The following ARHGAP8 variants were observed in gnomAD, a reference collection of about 807,000 sequenced individuals.
ARHGAP8 encodes the protein rho GTPase-activating protein 8.
In ARHGAP8, 62 loss-of-function variants were observed where a neutral mutation model predicts 46.1. That is an observed-to-expected ratio of 1.34 (90% CI 1.10 to 1.66). The LOEUF (loss-of-function observed/expected upper bound fraction) is 1.66. Ranked by LOEUF, ARHGAP8 falls within the 40% of genes most tolerant of loss-of-function variation. The pLI, the probability that ARHGAP8 is intolerant of heterozygous loss-of-function variation, is 0.00. For missense variants in ARHGAP8, 923 were observed against 568.4 expected, an observed-to-expected ratio of 1.62 and a Z score of -6.34; for synonymous variants, 375 against 243.1, an observed-to-expected ratio of 1.54 and a Z score of -5.05.
Position 44,862,369 on chromosome 22 carries a change from C to T in ARHGAP8, c.1076C>T (p.Ser359Phe), listed in dbSNP as rs554222960. The T allele has an allele frequency of 1.3e-5, 21 of 1,614,116 alleles. No individual in the cohort carries two copies. The East Asian group carries it at 4.2e-4, about 33-fold the overall frequency. Residue 359 changes from serine to phenylalanine, a missense_variant, in exon 12 of 12, where the codon TCC becomes TTC. Physicochemically the swap from Ser to Phe is radical, Grantham distance 155. Transcript: ENST00000356099. The part of the protein sequence containing the change: ...NLIWPSQGVS[S>F]LSALVPLNMF... ...ATCTGGCCATCCCAGGGGGTCTCCT[C>T]CCTGAGTGCCCTTGTGCCCCTGAAC...
intron 7 of ARHGAP8, among the ~76,000 whole-genome samples, chr22:44,830,170 C>G (rs865815300): frequency 6.6e-6 from 1 of 151,456 alleles, no homozygotes; most frequent in South Asian, 2.1e-4. Context: ...ACTGCAGGTG[C>G]ACGCTACCAA....
intron 11 of ARHGAP8, among the ~76,000 whole-genome samples, chr22:44,861,180 C>G (rs1319319864): frequency 6.6e-6 from 1 of 152,144 alleles, no homozygotes; most frequent in Non-Finnish European, 1.5e-5. Flanking sequence ...TCACATTGGC[C>G]AGGCTGATCT....
chr22:44,862,221 G>A (rs1206271988), intron 11 of ARHGAP8, 54 bp from the exon 12 acceptor site: 10 of 1,527,466 alleles, frequency 6.5e-6, no homozygotes, highest in Non-Finnish European at 7.9e-6. Context: ...GGAGTTCCAG[G>A]TGCCCGTGCC....
At position 44,861,981 on chromosome 22, in the gene ARHGAP8, G is replaced by A. The variant is rs551376267; in HGVS notation, c.982-294G>A. On this transcript the variant is annotated intron_variant, in intron 11 of 11. Transcript: ENST00000356099. The stretch of plus-strand genomic sequence containing the variant: ...TGTGCTACAGCCCATCCCCAAGATT[G>A]CATCTCCCCAGAAGGTGCAGTGGAA... Among the ~76,000 whole-genome samples, 10 of 152,198 alleles carry A rather than the reference G, an allele frequency of 6.6e-5. 1 individual carries two copies. Among genetic ancestry groups the A allele is most frequent in the Non-Finnish European group, 1.3e-4 (9 of 68,030 alleles).
intron 2 of ARHGAP8, among the ~76,000 whole-genome samples, chr22:44,791,011 G>C (rs1475827945): frequency 6.6e-6 from 1 of 152,076 alleles, no homozygotes; most frequent in Non-Finnish European, 1.5e-5. Context: ...AGGATTACAG[G>C]CGTGAGCCAC....
chr22:44,860,028 C>G (rs921805011), intron 11 of ARHGAP8, among the ~76,000 whole-genome samples, 194 bp downstream of exon 11: 1 of 151,926 alleles, frequency 6.6e-6, no homozygotes, highest in South Asian at 2.1e-4. Context: ...GACCTCCTGC[C>G]TGTCAGACAG....
chr22:44,801,916 A>T, intron 2 of ARHGAP8, 161 bp from the exon 3 acceptor site: 1 of 686,718 alleles, frequency 1.5e-6, no homozygotes. Context: ...ATAAAGCCAC[A>T]GGTGATGGAT....
At chr22:44,785,555 C>T (rs1314471935) in intron 1 of ARHGAP8, among the ~76,000 whole-genome samples, 1 of 152,086 alleles carries the variant, frequency 6.6e-6, no homozygotes. Context: ...TTGACCACAT[C>T]TTAACTACTT....
At chr22:44,772,160 T>C (rs1007744162) in intron 1 of ARHGAP8, among the ~76,000 whole-genome samples, 88 of 151,224 alleles carry the variant, frequency 5.8e-4, no homozygotes, top group Non-Finnish European at 9.4e-4. Context: ...TCTGTTTTTT[T>C]CCTCATTTTT....
At chr22:44,823,150 G>A (rs747808615) in intron 6 of ARHGAP8, among the ~76,000 whole-genome samples, 12 of 152,266 alleles carry the variant, frequency 7.9e-5, no homozygotes, top group South Asian at 2.1e-4. Context: ...ACTTCTCTCC[G>A]GACGCCAAGT....
intron 2 of ARHGAP8, among the ~76,000 whole-genome samples, chr22:44,797,973 A>T (rs1928212954): frequency 6.9e-6 from 1 of 145,788 alleles, no homozygotes; most frequent in East Asian, 2.2e-4. Context: ...GCACCTGGCC[A>T]ATAAGATTTT....
chr22:44,852,660 A>G (rs2070126401), intron 10 of ARHGAP8, among the ~76,000 whole-genome samples: 2 of 152,064 alleles, frequency 1.3e-5, no homozygotes, highest in Admixed American at 1.3e-4. Flanking sequence ...GTTGTGTCTC[A>G]ATTCAGGAGG....
chr22:44,862,487 G>T lies in ARHGAP8; in HGVS notation c.1194G>T (p.Gly398=), dbSNP rs777443018. 2.5e-6 allele frequency: 4 copies of T among 1,613,240 alleles called. No homozygotes were observed. Among genetic ancestry groups the T allele is most frequent in the Non-Finnish European group, 3.4e-6 (4 of 1,179,516 alleles). ...GEHGLAPWEQ[G]SRAAPLQEAV... is the part of the protein sequence containing the mutation. Reference sequence around the variant, plus strand: ...ACGGCCTGGCACCATGGGAACAGGGGAGCAGGGCAGCCCCTTTGCAGGAGG... The same window carrying T: ...ACGGCCTGGCACCATGGGAACAGGGTAGCAGGGCAGCCCCTTTGCAGGAGG... The change falls in exon 12 of 12, where the codon GGG becomes GGT. Residue 398 remains glycine, a synonymous_variant. Transcript: ENST00000356099.
Position 44,829,403 on chromosome 22 carries a change from G to A in ARHGAP8, c.596+3810G>A, listed in dbSNP as rs192259087. Among the ~76,000 whole-genome samples, 4 of 152,288 alleles carry A rather than the reference G, an allele frequency of 2.6e-5. No homozygotes were observed. In the East Asian group the frequency reaches 5.8e-4, roughly 22 times the overall value. ...TGTTAGCCATGGCTGTAGGCCTCTC[G>A]GCTCCTAGAAGGCTACCAGAGATAC... On this transcript the variant is annotated intron_variant, in intron 7 of 11. Coordinates refer to ENST00000356099, the MANE Select transcript of ARHGAP8 (RefSeq NM_181335.3).
intron 6 of ARHGAP8, among the ~76,000 whole-genome samples, chr22:44,824,612 T>C (rs554136175): frequency 6.8e-5 from 10 of 146,358 alleles, no homozygotes; most frequent in Admixed American, 6.3e-4. Context: ...AGAGGGTCTT[T>C]TCTTTTCTTT....
At chr22:44,825,447 T>A in intron 6 of ARHGAP8, 36 bp from the exon 7 acceptor site, 1 of 1,590,080 alleles carries the variant, frequency 6.3e-7, no homozygotes, top group South Asian at 1.1e-5. Context: ...CAGCTGCCCC[T>A]GCCAGGTGAG....
intron 1 of ARHGAP8, among the ~76,000 whole-genome samples, chr22:44,757,992 CAG>C (rs1197494596): frequency 6.6e-6 from 1 of 152,092 alleles, no homozygotes; most frequent in African/African-American, 2.4e-5. Context: ...GTCTCCACCT[CAG>C]AGGTACAGAG....
chr22:44,764,682 G>A (rs564029789), intron 1 of ARHGAP8, among the ~76,000 whole-genome samples: 14 of 152,338 alleles, frequency 9.2e-5, no homozygotes, highest in African/African-American at 2.6e-4. Flanking sequence ...CAAGATGCTC[G>A]CTGGGGTGGT....
chr22:44,793,506 T>C (rs1927855115), intron 2 of ARHGAP8, among the ~76,000 whole-genome samples: 1 of 152,136 alleles, frequency 6.6e-6, no homozygotes, highest in Admixed American at 6.5e-5. Context: ...CTCCTTCCAC[T>C]TTTGCAAAAA....
Sources: allele counts gnomAD v4.1 joint callset (sites outside exome capture counted in the v4.1 genomes callset), GRCh38; gene constraint gnomAD v4.1.1; transcripts MANE v1.5; gene names NCBI Gene and HGNC (gene_info 2026-07-23, HGNC 2026-07-21).